IDO2: variants seen among roughly 807,000 people sequenced by gnomAD.
The protein encoded by IDO2 is indoleamine 2,3-dioxygenase-like 1 protein.
Under a neutral mutation model 45.1 loss-of-function variants are expected in IDO2, and 46 were observed. That is an observed-to-expected ratio of 1.02 (90% CI 0.80 to 1.30). The LOEUF is 1.30. IDO2 is among the 50% of genes most tolerant of loss of function. IDO2 has a pLI of 0.00. For missense variants in IDO2, 544 were observed against 491.8 expected (o/e 1.11, Z -1.00); for synonymous variants, 218 against 184.9 (o/e 1.18, Z -1.45).
At chr8:39,985,609 T>C in intron 6 of IDO2, 87 bp downstream of exon 6, 1 of 1,121,882 alleles carries the variant, frequency 8.9e-7, no homozygotes, top group Non-Finnish European at 1.3e-6. Flanking sequence ...GCATGCTAAA[T>C]TATATGTATA....
intron 2 of IDO2, among the ~76,000 whole-genome samples, chr8:39,959,962 G>C (rs1338208854): frequency 6.6e-6 from 1 of 152,096 alleles, no homozygotes; most frequent in Non-Finnish European, 1.5e-5. Flanking sequence ...CTGAGCGATA[G>C]AGTGAAACTG....
chr8:39,990,639 A>T (rs926298209), intron 8 of IDO2, among the ~76,000 whole-genome samples: 2 of 152,224 alleles, frequency 1.3e-5, no homozygotes, highest in Non-Finnish European at 2.9e-5. Context: ...AAACAGTTAC[A>T]TAATTGTCCT....
At chr8:39,969,875 CAAAAA>C (rs34762202) in intron 3 of IDO2, among the ~76,000 whole-genome samples, 1 of 140,746 alleles carries the variant, frequency 7.1e-6, no homozygotes, top group Non-Finnish European at 1.5e-5. Context: ...AACTCCTTCT[CAAAAA>C]AAAAAAAAAA....
intron 3 of IDO2, among the ~76,000 whole-genome samples, chr8:39,976,679 A>G (rs1808263805): frequency 6.6e-6 from 1 of 152,208 alleles, no homozygotes; most frequent in African/African-American, 2.4e-5. Flanking sequence ...GAAGCTCCTC[A>G]AACTGCATTT....
chr8:39,948,646 T>C (rs765026661), intron 1 of IDO2, among the ~76,000 whole-genome samples: 1 of 152,168 alleles, frequency 6.6e-6, no homozygotes, highest in Non-Finnish European at 1.5e-5. Flanking sequence ...ATGAGGAAAC[T>C]TGGGTGCTTT....
intron 4 of IDO2, among the ~76,000 whole-genome samples, chr8:39,980,862 G>A (rs1432513923): frequency 6.6e-6 from 1 of 151,626 alleles, no homozygotes; most frequent in Non-Finnish European, 1.5e-5. Flanking sequence ...GGATTCTCCT[G>A]ACTCAGTCTC....
chr8:40,003,666 A>T (rs1802174244), intron 8 of IDO2, among the ~76,000 whole-genome samples: 1 of 152,136 alleles, frequency 6.6e-6, no homozygotes, highest in Non-Finnish European at 1.5e-5. Flanking sequence ...TTTATAAATC[A>T]TATTGTTTGA....
chr8:40,014,966 T>G (rs769016250), intron 10 of IDO2, among the ~76,000 whole-genome samples: 2 of 151,794 alleles, frequency 1.3e-5, no homozygotes, highest in Non-Finnish European at 2.9e-5. Context: ...CTGGGCAACA[T>G]AGCAAGAACC....
intron 7 of IDO2, among the ~76,000 whole-genome samples, chr8:39,989,309 C>A (rs1808467677): frequency 6.6e-6 from 1 of 152,112 alleles, no homozygotes; most frequent in African/African-American, 2.4e-5. Flanking sequence ...GTGGGGATTA[C>A]CATCCAAGAT....
intron 8 of IDO2, among the ~76,000 whole-genome samples, chr8:40,002,711 C>T (rs1385336587): frequency 2.0e-5 from 3 of 151,940 alleles, no homozygotes; most frequent in Non-Finnish European, 2.9e-5. Flanking sequence ...ACCTGGCAGG[C>T]GGGGGGTGCA....
chr8:40,010,069 A>G (rs1029720980), intron 9 of IDO2, among the ~76,000 whole-genome samples: 1 of 152,154 alleles, frequency 6.6e-6, no homozygotes, highest in Non-Finnish European at 1.5e-5. Context: ...ATACACAAGT[A>G]AATCTAATAA....
exon 11 of IDO2, chr8:40,015,603 G>C (rs769451642): frequency 1.9e-6 from 3 of 1,603,590 alleles, no homozygotes. Flanking sequence ...ACGTGGTTAG[G>C]AGGCTGCCCT....
At chr8:39,940,436 G>A (rs10958573) in intron 1 of IDO2, among the ~76,000 whole-genome samples, 64,141 of 152,014 alleles carry the variant, frequency 0.42, 13,734 homozygotes, top group East Asian at 0.59. Flanking sequence ...TACATTAGTA[G>A]CAATCAGACC....
At chr8:40,015,598 G>T (rs199709416) in exon 11 of IDO2, 1 of 1,607,106 alleles carries the variant, frequency 6.2e-7, no homozygotes, top group Non-Finnish European at 8.5e-7. Flanking sequence ...CACCCACGTG[G>T]TTAGGAGGCT....
chr8:40,007,520 G>A (rs941938094), intron 9 of IDO2, among the ~76,000 whole-genome samples: 4 of 152,032 alleles, frequency 2.6e-5, no homozygotes, highest in Non-Finnish European at 4.4e-5. Context: ...TTAGTATTTA[G>A]GCTTTCTCTG....
intron 3 of IDO2, among the ~76,000 whole-genome samples, chr8:39,965,446 C>T (rs895703600): frequency 6.6e-6 from 1 of 152,068 alleles, no homozygotes; most frequent in Admixed American, 6.5e-5. Context: ...GAGATCACAC[C>T]ACTGAACTCT....
chr8:39,964,051 T>C (rs1179236625), intron 3 of IDO2, among the ~76,000 whole-genome samples: 1 of 152,218 alleles, frequency 6.6e-6, no homozygotes, highest in Non-Finnish European at 1.5e-5. Context: ...TCATTCCATG[T>C]ACGTACTCAA....
intron 5 of IDO2, among the ~76,000 whole-genome samples, chr8:39,984,721 C>G (rs560675288): frequency 6.6e-6 from 1 of 152,184 alleles, no homozygotes; most frequent in Admixed American, 6.5e-5. Flanking sequence ...CACTACATGA[C>G]AAATGTCAAA....
In IDO2 at chr8:39,972,344, G is replaced by A. The variant is rs80042902; in HGVS notation, c.196-6723G>A. Among the ~76,000 whole-genome samples the A allele has an allele frequency of 5.2e-3, 790 of 152,238 alleles. 4 individuals are homozygous for A. The highest frequency in any genetic ancestry group is 9.7e-3 in the South Asian group (47 of 4,824). On this transcript the variant is annotated intron_variant, in intron 3 of 10. Transcript: ENST00000502986. Reference sequence around the variant, plus strand: ...AAAGAAGTTCTACTGGGTGCCGAGCGTGGTGGCTCACGCCAGCACTTTGGG... The same window carrying A: ...AAAGAAGTTCTACTGGGTGCCGAGCATGGTGGCTCACGCCAGCACTTTGGG...
Sources: gnomAD v4.1 joint callset for allele counts (sites outside exome capture counted in the v4.1 genomes callset) on GRCh38, gnomAD v4.1.1 for gene constraint, MANE v1.5 for transcripts, NCBI Gene and HGNC (gene_info 2026-07-23, HGNC 2026-07-21) for gene names.